Variants in TBC1D8 observed in about 807,000 individuals in gnomAD.
TBC1D8 encodes BUB2-like protein 1.
Under a neutral mutation model 118.8 loss-of-function variants are expected in TBC1D8, and 65 were observed. That is an observed-to-expected ratio of 0.55 (90% CI 0.45 to 0.67). The LOEUF is 0.67. Among genes scored for constraint, TBC1D8 ranks in the 30% least tolerant of loss-of-function variants. The pLI, the probability that TBC1D8 is intolerant of heterozygous loss-of-function variation, is 0.00. For missense variants in TBC1D8, 1,376 were observed against 1,471.2 expected, an observed-to-expected ratio of 0.94 and a Z score of 1.06; for synonymous variants, 566 against 595.8, an observed-to-expected ratio of 0.95 and a Z score of 0.73.
chr2:101,065,829 T>G (rs1454635516), intron 2 of TBC1D8, among the ~76,000 whole-genome samples: 1 of 152,190 alleles, frequency 6.6e-6, no homozygotes, highest in African/African-American at 2.4e-5. Flanking sequence ...AAAATGTCCT[T>G]GTAATAGTAC....
chr2:101,016,508 C>T (rs1679647114), intron 17 of TBC1D8, among the ~76,000 whole-genome samples: 1 of 152,170 alleles, frequency 6.6e-6, no homozygotes, highest in Non-Finnish European at 1.5e-5. Context: ...TTGTGGAAGT[C>T]AGTGTGGCGA....
chr2:101,052,139 AAG>A (rs1358057603), intron 4 of TBC1D8, among the ~76,000 whole-genome samples: 5 of 152,240 alleles, frequency 3.3e-5, no homozygotes, highest in African/African-American at 4.8e-5. Context: ...CTATGGGAAA[AAG>A]AGGTGTGTAA....
chr2:101,090,465 T>A, intron 1 of TBC1D8, 101 bp from the exon 2 acceptor site: 1 of 1,271,820 alleles, frequency 7.9e-7, no homozygotes, highest in Non-Finnish European at 1.1e-6. Flanking sequence ...CATGCTGGGG[T>A]AGCAGAGACA....
At chr2:101,071,192 A>C (rs1023537664) in intron 2 of TBC1D8, among the ~76,000 whole-genome samples, 3 of 152,082 alleles carry the variant, frequency 2.0e-5, no homozygotes, top group Admixed American at 2.0e-4. Flanking sequence ...ATTTTTAAAA[A>C]TTAGCCAGGT....
chr2:101,053,111 T>C lies in TBC1D8; in HGVS notation c.631+997A>G, dbSNP rs148145496. Among the ~76,000 whole-genome samples, 6 of 152,244 alleles carry C rather than the reference T, an allele frequency of 3.9e-5. No individual in the cohort carries two copies. The East Asian group carries it at 9.7e-4, about 24-fold the overall frequency. ...AAATGCAAATACAGTACAAATAATA[T>C]AGGGATCAGGGAAGGCTTTTGGATG... is the stretch of plus-strand genomic sequence containing the variant. On this transcript the variant is annotated intron_variant, in intron 4 of 19. Coordinates refer to ENST00000409318, the MANE Select transcript of TBC1D8 (RefSeq NM_001330348.2).
At chr2:101,121,068 C>T (rs1678075817) in intron 1 of TBC1D8, among the ~76,000 whole-genome samples, 1 of 152,100 alleles carries the variant, frequency 6.6e-6, no homozygotes, top group South Asian at 2.1e-4. Context: ...AGAGCCTAAC[C>T]TAACAGATCC....
intron 1 of TBC1D8, among the ~76,000 whole-genome samples, chr2:101,144,270 C>T (rs906665074): frequency 6.6e-6 from 1 of 152,190 alleles, no homozygotes; most frequent in Non-Finnish European, 1.5e-5. Context: ...TCACCCTAAA[C>T]AGACAAACCC....
intron 2 of TBC1D8, among the ~76,000 whole-genome samples, chr2:101,066,600 G>A (rs1683028804): frequency 6.6e-6 from 1 of 152,140 alleles, no homozygotes; most frequent in African/African-American, 2.4e-5. Flanking sequence ...CCAGACCCAT[G>A]AAATTAAGGA....
chr2:101,008,152 C>CCCA lies in TBC1D8; in HGVS notation c.3134_3136dup (p.Val1045dup). The stretch of plus-strand genomic sequence containing the variant: ...GCTTCCAGAGCTGCTGCCTCGCTGC[C>CCCA]CCACCTCCCCGATCTGCAGCAGCAG... On this transcript the variant is annotated inframe_insertion, in exon 20 of 20. Transcript: ENST00000409318. 1 of 1,613,834 alleles carries CCCA rather than the reference C, an allele frequency of 6.2e-7. No individual in the cohort carries two copies. Among genetic ancestry groups the CCCA allele is most frequent in the Non-Finnish European group, 8.5e-7 (1 of 1,179,814 alleles).
chr2:101,095,385 A>G (rs1371540869), intron 1 of TBC1D8, among the ~76,000 whole-genome samples: 1 of 147,792 alleles, frequency 6.8e-6, no homozygotes, highest in Admixed American at 6.7e-5. Context: ...ATATCTCCTA[A>G]TGCTATCTCC....
intron 17 of TBC1D8, among the ~76,000 whole-genome samples, chr2:101,021,214 G>A (rs1475627504): frequency 2.6e-5 from 4 of 152,140 alleles, no homozygotes; most frequent in East Asian, 1.9e-4. Flanking sequence ...TCCCGTCAAT[G>A]TCAAGTCTGA....
intron 1 of TBC1D8, among the ~76,000 whole-genome samples, chr2:101,117,731 G>A (rs1677890014): frequency 6.6e-6 from 1 of 151,730 alleles, no homozygotes; most frequent in East Asian, 1.9e-4. Flanking sequence ...CCGCCACCAT[G>A]CCTGGCTAAT....
chr2:101,146,680 A>G (rs1679329369), intron 1 of TBC1D8, among the ~76,000 whole-genome samples: 1 of 152,246 alleles, frequency 6.6e-6, no homozygotes, highest in Non-Finnish European at 1.5e-5. Flanking sequence ...TCGGGTAGTT[A>G]GCATATCCAT....
Position 101,090,080 on chromosome 2 carries a change from G to GGGA in TBC1D8, c.283+126_283+128dup, listed in dbSNP as rs1675922572. On this transcript the variant is annotated intron_variant, in intron 2 of 19. Coordinates refer to ENST00000409318, the MANE Select transcript of TBC1D8 (RefSeq NM_001330348.2). ...GGGAAGGAAGGGGAGTGGAGGGGAG[G>GGGA]GGAGTTAAGTTCCTGAAAGCAGATG... is the stretch of plus-strand genomic sequence containing the variant. The GGGA allele has an allele frequency of 3.4e-6, 3 of 889,686 alleles. No individual in the cohort carries two copies. The East Asian group carries it at 8.2e-5, about 24-fold the overall frequency. The allele number at this position is 889,686 out of a possible 1,614,324, so 55.1% of individuals were successfully genotyped here.
At chr2:101,046,464 G>A (rs549541959) in intron 5 of TBC1D8, among the ~76,000 whole-genome samples, 9 of 152,346 alleles carry the variant, frequency 5.9e-5, no homozygotes, top group Admixed American at 1.3e-4. Flanking sequence ...TCACCGAGCA[G>A]CTTGGGGACT....
intron 1 of TBC1D8, among the ~76,000 whole-genome samples, chr2:101,091,983 T>G (rs1676069331): frequency 6.6e-6 from 1 of 152,224 alleles, no homozygotes. Context: ...AGTATCCTCC[T>G]ATATAACCAC....
At chr2:101,148,249 C>T (rs1679399639) in intron 1 of TBC1D8, among the ~76,000 whole-genome samples, 1 of 152,196 alleles carries the variant, frequency 6.6e-6, no homozygotes, top group Non-Finnish European at 1.5e-5. Context: ...GGGGTTGTTC[C>T]TGTTCCAGGC....
At chr2:101,027,958 A>G in intron 14 of TBC1D8, 90 bp downstream of exon 14, 1 of 1,123,824 alleles carries the variant, frequency 8.9e-7, no homozygotes, top group Admixed American at 2.1e-5. Context: ...ACATTTTTCA[A>G]AGCTGGCATT....
chr2:101,056,577 C>T (rs371675196), intron 3 of TBC1D8, among the ~76,000 whole-genome samples: 78 of 152,240 alleles, frequency 5.1e-4, no homozygotes, highest in African/African-American at 1.8e-3. Flanking sequence ...TTCTCTATTT[C>T]CCACATTTCA....
Sources: gnomAD v4.1 joint callset for allele counts (sites outside exome capture counted in the v4.1 genomes callset) on GRCh38, gnomAD v4.1.1 for gene constraint, MANE v1.5 for transcripts, NCBI Gene and HGNC (gene_info 2026-07-23, HGNC 2026-07-21) for gene names.